The following CIT variants were observed in gnomAD, a reference collection of about 807,000 sequenced individuals.
CIT encodes citron rho-interacting serine/threonine kinase, also known as citron Rho-interacting kinase.
Under a neutral mutation model 272.7 loss-of-function variants are expected in CIT, and 79 were observed. The ratio of observed to expected loss-of-function variants is 0.29; its 90% CI spans 0.24 to 0.35. CIT has a LOEUF of 0.35. CIT is among the 10% of genes least tolerant of loss of function. CIT has a pLI of 1.00. For missense variants in CIT, 1,909 were observed against 2,618.3 expected (o/e 0.73, Z 5.91); for synonymous variants, 948 against 995.6 (o/e 0.95, Z 0.90).
At chr12:119,820,459 A>G (rs1183529197) in intron 9 of CIT, among the ~76,000 whole-genome samples, 1 of 152,136 alleles carries the variant, frequency 6.6e-6, no homozygotes, top group Non-Finnish European at 1.5e-5. Context: ...CTGAGGCAGA[A>G]GAATCACTTG....
rs1958618667 is a variant in CIT, at chr12:119,734,025, T to C, written c.3350+139A>G. 5 of 883,368 alleles carry C rather than the reference T, an allele frequency of 5.7e-6. No homozygotes were observed. The East Asian group carries it at 1.3e-4, about 23-fold the overall frequency. The allele number at this position is 883,368 out of a possible 1,614,324, so 54.7% of individuals were successfully genotyped here. A position where few individuals can be genotyped will look rare whatever the true frequency, so the allele number is the denominator to read the frequency against. ...TATCCTGGTTTGCCCAAGAGTCTCC[T>C]GGTTTTTAGCACCAGGAGGCTTGTG... On this transcript the variant is annotated intron_variant, in intron 26 of 47. Transcript: ENST00000392521.
intron 28 of CIT, among the ~76,000 whole-genome samples, chr12:119,727,308 C>G (rs1027125481): frequency 2.6e-5 from 4 of 152,182 alleles, no homozygotes; most frequent in Admixed American, 6.5e-5. Context: ...TTCAAAATAT[C>G]TAATTTGGAT....
intron 7 of CIT, among the ~76,000 whole-genome samples, chr12:119,832,568 G>A (rs1032011849): frequency 2.0e-5 from 3 of 152,134 alleles, no homozygotes; most frequent in South Asian, 2.1e-4. Flanking sequence ...TCCTAAAAAT[G>A]TCTTGGAGGG....
At chr12:119,796,683 T>C (rs1461895015) in intron 10 of CIT, among the ~76,000 whole-genome samples, 1 of 151,966 alleles carries the variant, frequency 6.6e-6, no homozygotes, top group African/African-American at 2.4e-5. Context: ...AGGTAAGAAC[T>C]AAAGTCAAGG....
chr12:119,738,195 T>C (rs573093169), intron 24 of CIT, among the ~76,000 whole-genome samples: 1 of 152,304 alleles, frequency 6.6e-6, no homozygotes, highest in East Asian at 1.9e-4. Flanking sequence ...CCCTGAACCA[T>C]ACTGCCTGTC....
In CIT at chr12:119,747,156, C is replaced by T. The variant is rs569386557; in HGVS notation, c.2905-4692G>A. Reference sequence around the variant, plus strand: ...AGACTGAGATGGCCAGGCACAGTGGCTCACACCTGTAATTCCAGCACTTTG... The same window carrying T: ...AGACTGAGATGGCCAGGCACAGTGGTTCACACCTGTAATTCCAGCACTTTG... On this transcript the variant is annotated intron_variant, in intron 23 of 47. Coordinates refer to ENST00000392521, the MANE Select transcript of CIT (RefSeq NM_001206999.2). Among the ~76,000 whole-genome samples the T allele has an allele frequency of 2.6e-5, 4 of 152,322 alleles. No individual in the cohort carries two copies. The South Asian group carries it at 6.2e-4, about 24-fold the overall frequency.
intron 32 of CIT, among the ~76,000 whole-genome samples, chr12:119,714,900 T>G (rs1442797732): frequency 6.6e-6 from 1 of 152,198 alleles, no homozygotes; most frequent in African/African-American, 2.4e-5. Context: ...GCAGCATAAT[T>G]TATGACAACT....
chr12:119,785,985 A>C (rs1400392906), intron 10 of CIT, among the ~76,000 whole-genome samples: 3 of 152,060 alleles, frequency 2.0e-5, no homozygotes, highest in Non-Finnish European at 4.4e-5. Context: ...AAACTCATAC[A>C]CCTATTGGGC....
At chr12:119,760,490 G>C (rs900213434) in intron 20 of CIT, among the ~76,000 whole-genome samples, 1 of 152,022 alleles carries the variant, frequency 6.6e-6, no homozygotes, top group Non-Finnish European at 1.5e-5. Flanking sequence ...AGGTAAGCAT[G>C]GGGGCATGCA....
chr12:119,725,992 T>C (rs1422662902), intron 28 of CIT, among the ~76,000 whole-genome samples: 1 of 145,738 alleles, frequency 6.9e-6, no homozygotes, highest in Non-Finnish European at 1.5e-5. Flanking sequence ...TGAATTCCTA[T>C]GTGTGTTCAC....
chr12:119,709,058 G>A (rs759028096), intron 39 of CIT, among the ~76,000 whole-genome samples: 1 of 152,184 alleles, frequency 6.6e-6, no homozygotes, highest in Non-Finnish European at 1.5e-5. Flanking sequence ...ATGATTAAAT[G>A]CAATGCAAAT....
intron 3 of CIT, among the ~76,000 whole-genome samples, chr12:119,867,015 G>C (rs1221347318): frequency 1.3e-5 from 2 of 152,052 alleles, no homozygotes; most frequent in African/African-American, 2.4e-5. Flanking sequence ...TTCATGAAGA[G>C]AGAGAGGCCC....
In CIT at chr12:119,768,335, G is replaced by T. The variant is rs1330990398; in HGVS notation, c.2209-1153C>A. Among the ~76,000 whole-genome samples the T allele has an allele frequency of 1.3e-5, 2 of 152,206 alleles. No homozygotes were observed. The highest frequency in any genetic ancestry group is 2.9e-5 in the Non-Finnish European group (2 of 68,040). ...CACTAAAACATTCTGTAAATGCACA[G>T]CTGCATCTATATTAATTCTTATGAA... On this transcript the variant is annotated intron_variant, in intron 18 of 47. Coordinates refer to ENST00000392521, the MANE Select transcript of CIT (RefSeq NM_001206999.2). This position sits in a 1 kb window ranked among gnomAD's most constrained non-coding sequence, Gnocchi z 4.3.
Position 119,752,081 on chromosome 12 carries a change from G to A in CIT, c.2873C>T (p.Ala958Val). 6.2e-7 allele frequency: 1 copy of A among 1,612,556 alleles called. No individual in the cohort carries two copies. The highest frequency in any genetic ancestry group is 8.5e-7 in the Non-Finnish European group (1 of 1,179,974). The change falls in exon 23 of 48, where the codon GCA becomes GTA. Residue 958 changes from alanine (A) to valine (V), a missense_variant. Coordinates refer to ENST00000392521, the MANE Select transcript of CIT (RefSeq NM_001206999.2). The stretch of plus-strand genomic sequence containing the variant: ...TGCCTGGATCTCCTCTTCAGCTTCT[G>A]CTGTGGTCTCTTCCAGCTCTGTCTT... The part of the protein sequence containing the change: ...QAKTELEETT[A>V]EAEEEIQALT...
Position 119,770,737 on chromosome 12 carries a change from A to G in CIT, c.2208+48T>C. ...TTCTTCTTACCCCCTTCCCTTTGCA[A>G]ACTCTAACCTGTTATCTTTTAACTT... is the stretch of plus-strand genomic sequence containing the variant. On this transcript the variant is annotated intron_variant, in intron 18 of 47. Transcript: ENST00000392521. The surrounding 1 kb of genome is among the most constrained non-coding windows in gnomAD (Gnocchi z 4.4). 1.2e-6 allele frequency: 2 copies of G among 1,609,862 alleles called. No individual in the cohort carries two copies. The highest frequency in any genetic ancestry group is 8.5e-7 in the Non-Finnish European group (1 of 1,178,032).
chr12:119,767,480 T>C (rs1962583868), intron 18 of CIT, among the ~76,000 whole-genome samples: 1 of 152,168 alleles, frequency 6.6e-6, no homozygotes, highest in Non-Finnish European at 1.5e-5. Context: ...CATAGAGAAA[T>C]AAGAGTAACA....
At chr12:119,798,123 T>G (rs558836852) in intron 10 of CIT, among the ~76,000 whole-genome samples, 1 of 152,084 alleles carries the variant, frequency 6.6e-6, no homozygotes, top group African/African-American at 2.4e-5. Context: ...AGTCTCTAAA[T>G]GAAAAGAGGA....
intron 41 of CIT, 122 bp from the exon 42 acceptor site, chr12:119,702,080 G>T: frequency 1.4e-6 from 1 of 703,566 alleles, no homozygotes. Flanking sequence ...CACCAAGCTT[G>T]TTCACGTTGT....
At position 119,803,519 on chromosome 12, in the gene CIT, A is replaced by C. The variant is rs542932580; in HGVS notation, c.1112-130T>G. ...GCACTGCAGCGCCTGCTTTCAATCT[A>C]GCTCGCAACCTCGGCTCCTACAGCA... On this transcript the variant is annotated intron_variant, in intron 9 of 47. Transcript: ENST00000392521. The C allele has an allele frequency of 6.6e-6, 4 of 606,348 alleles. No homozygotes were observed. The South Asian group carries it at 9.6e-5, about 15-fold the overall frequency. 37.6% of individuals were successfully genotyped at this position (606,348 alleles called of 1,614,324 possible).
Sources: gnomAD v4.1 joint callset for allele counts (sites outside exome capture counted in the v4.1 genomes callset) on GRCh38, gnomAD v4.1.1 for gene constraint, Gnocchi (gnomAD v3.1) non-coding constraint, MANE v1.5 for transcripts, NCBI Gene and HGNC (gene_info 2026-07-23, HGNC 2026-07-21) for gene names.